GAB2: variants seen among roughly 807,000 people sequenced by gnomAD.
The protein encoded by GAB2 is GRB2-associated-binding protein 2.
GAB2 carries 26 observed loss-of-function variants against 65.5 expected under a neutral mutation model. The observed-to-expected ratio is 0.40, with a 90% CI of 0.29 to 0.55. GAB2 has a LOEUF of 0.55. GAB2 is among the 20% of genes least tolerant of loss of function. GAB2 has a pLI of 0.53. For synonymous variants in GAB2, 321 were observed against 329.6 expected (o/e 0.97, Z 0.28); for missense variants, 884 against 875.8 (o/e 1.01, Z -0.12).
intron 1 of GAB2, among the ~76,000 whole-genome samples, chr11:78,287,394 C>T (rs1409611587): frequency 1.3e-5 from 2 of 152,094 alleles, no homozygotes; most frequent in African/African-American, 4.8e-5. Flanking sequence ...TCTCCCACCT[C>T]AGCCTCCTGA....
intron 1 of GAB2, among the ~76,000 whole-genome samples, chr11:78,307,751 GTGTA>G (rs906437892): frequency 6.6e-6 from 1 of 152,238 alleles, no homozygotes; most frequent in African/African-American, 2.4e-5. Flanking sequence ...ATGGAATAAA[GTGTA>G]TGAGTTATTT....
At chr11:78,343,984 T>A (rs1206774389) in intron 1 of GAB2, among the ~76,000 whole-genome samples, 1 of 151,594 alleles carries the variant, frequency 6.6e-6, no homozygotes, top group Non-Finnish European at 1.5e-5. Context: ...ACAAGGAGAG[T>A]AACGGCAGGA....
intron 3 of GAB2, 147 bp downstream of exon 3, chr11:78,250,010 G>T: frequency 1.2e-6 from 1 of 844,264 alleles, no homozygotes; most frequent in Non-Finnish European, 1.9e-6. Context: ...GAAGGCTACA[G>T]AAGCAAAAAA....
chr11:78,294,920 A>G (rs1866784418), intron 1 of GAB2, among the ~76,000 whole-genome samples: 1 of 152,240 alleles, frequency 6.6e-6, no homozygotes, highest in Non-Finnish European at 1.5e-5. Context: ...GCTTCTGTAC[A>G]GCAAAAGAGA....
At position 78,417,638 on chromosome 11, in the gene GAB2, G is replaced by C; in HGVS notation, c.75+8C>G. The stretch of plus-strand genomic sequence containing the variant: ...CGCCCGCCCCTGGGCGGCCGCGCCC[G>C]CACTCACATAGCGCCTCAACTTCTT... On this transcript the variant is annotated splice_region_variant and intron_variant, in intron 1 of 9. Transcript: ENST00000361507. The C allele has an allele frequency of 7.5e-7, 1 of 1,329,230 alleles. No homozygotes were observed. The highest frequency in any genetic ancestry group is 1.4e-5 in the South Asian group (1 of 72,492). 82.3% of individuals were successfully genotyped at this position (1,329,230 alleles called of 1,614,324 possible).
intron 1 of GAB2, among the ~76,000 whole-genome samples, chr11:78,293,600 T>C (rs1204647172): frequency 1.3e-5 from 2 of 152,100 alleles, no homozygotes; most frequent in Non-Finnish European, 2.9e-5. Context: ...ATCATGGTAA[T>C]CTAGATTAAG....
chr11:78,361,664 A>T (rs1856436871), intron 1 of GAB2, among the ~76,000 whole-genome samples: 1 of 152,248 alleles, frequency 6.6e-6, no homozygotes, highest in East Asian at 1.9e-4. Flanking sequence ...AATACAAATT[A>T]AAAATACACT....
intron 1 of GAB2, among the ~76,000 whole-genome samples, chr11:78,292,813 C>T (rs947216939): frequency 2.0e-5 from 3 of 152,218 alleles, no homozygotes; most frequent in African/African-American, 7.2e-5. Flanking sequence ...ATTTGCTGAG[C>T]TCTTGCTACC....
At chr11:78,359,287 A>G (rs536146047) in intron 1 of GAB2, among the ~76,000 whole-genome samples, 1 of 152,314 alleles carries the variant, frequency 6.6e-6, no homozygotes, top group South Asian at 2.1e-4. Flanking sequence ...GAAACCACAT[A>G]TGGTAATGAA....
intron 1 of GAB2, among the ~76,000 whole-genome samples, chr11:78,394,894 C>T (rs1856876556): frequency 6.6e-6 from 1 of 152,180 alleles, no homozygotes; most frequent in African/African-American, 2.4e-5. Context: ...AGGAAGCCCA[C>T]CCTCCAAAGA....
chr11:78,245,773 T>G (rs115327510), intron 3 of GAB2, among the ~76,000 whole-genome samples: 282 of 152,364 alleles, frequency 1.9e-3, no homozygotes, highest in African/African-American at 6.1e-3. Flanking sequence ...TTCCTTCTAG[T>G]ACCATCTTGC....
chr11:78,286,108 G>C (rs1363624313), intron 1 of GAB2, among the ~76,000 whole-genome samples: 1 of 152,154 alleles, frequency 6.6e-6, no homozygotes, highest in Non-Finnish European at 1.5e-5. Flanking sequence ...CTATGCTCTA[G>C]GTATTATTCT....
At chr11:78,222,017 C>A in intron 7 of GAB2, 88 bp downstream of exon 7, 1 of 871,504 alleles carries the variant, frequency 1.1e-6, no homozygotes, top group Non-Finnish European at 2.0e-6. Context: ...CAGAATCCAG[C>A]TGTCCCGGCC....
At chr11:78,279,175 T>TA (rs1200737447) in intron 2 of GAB2, among the ~76,000 whole-genome samples, 2 of 152,160 alleles carry the variant, frequency 1.3e-5, no homozygotes, top group African/African-American at 2.4e-5. Flanking sequence ...CCAAGGAAGA[T>TA]AAAAATCACA....
intron 1 of GAB2, chr11:78,324,631 C>T (rs1242845227): frequency 8.5e-5 from 13 of 152,182 alleles, no homozygotes; most frequent in Non-Finnish European, 4.4e-5. Context: ...TGCTAGATGC[C>T]ATGCTAAGTG....
intron 2 of GAB2, among the ~76,000 whole-genome samples, chr11:78,254,183 T>C (rs1865533344): frequency 6.6e-6 from 1 of 152,166 alleles, no homozygotes; most frequent in Non-Finnish European, 1.5e-5. Flanking sequence ...GAAATACACA[T>C]AAGGTCTAGA....
rs973570919 is a variant in GAB2, at chr11:78,322,619, C to G, written c.76-41718G>C. 3.3e-5 allele frequency among the ~76,000 whole-genome samples: 5 copies of G among 151,924 alleles called. No individual in the cohort carries two copies. The South Asian group carries it at 8.3e-4, about 25-fold the overall frequency. ...AACTTAAATAATTCAATAAAAAACACAAATAATACCATTATAAAGTGGGCA... is the reference window on the plus strand; with the variant it reads ...AACTTAAATAATTCAATAAAAAACAGAAATAATACCATTATAAAGTGGGCA... On this transcript the variant is annotated intron_variant, in intron 1 of 9. Transcript: ENST00000361507.
intron 1 of GAB2, among the ~76,000 whole-genome samples, chr11:78,289,305 C>A (rs979902018): frequency 6.6e-6 from 1 of 152,112 alleles, no homozygotes; most frequent in Admixed American, 6.5e-5. Context: ...AATCAAGCAT[C>A]CATAGGGGAG....
intron 1 of GAB2, among the ~76,000 whole-genome samples, chr11:78,304,326 C>T (rs772225730): frequency 2.6e-5 from 4 of 152,132 alleles, no homozygotes; most frequent in Non-Finnish European, 5.9e-5. Flanking sequence ...TTGCATCACC[C>T]CAAAAAGCAA....
Sources: allele counts gnomAD v4.1 joint callset (sites outside exome capture counted in the v4.1 genomes callset), GRCh38; gene constraint gnomAD v4.1.1; transcripts MANE v1.5; gene names NCBI Gene and HGNC (gene_info 2026-07-23, HGNC 2026-07-21).